PPP2R2C: variants seen among roughly 807,000 people sequenced by gnomAD.
PPP2R2C encodes the protein protein phosphatase 2 regulatory subunit Bgamma, also known as protein phosphatase 2, regulatory subunit B, gamma.
Under a neutral mutation model 45.3 loss-of-function variants are expected in PPP2R2C, and 10 were observed. That is an observed-to-expected ratio of 0.22 (90% CI 0.14 to 0.37). The LOEUF is 0.37. Ranked by LOEUF, PPP2R2C falls within the 10% of genes least tolerant of loss-of-function variation. The pLI is 1.00. For missense variants in PPP2R2C, 308 were observed against 619.7 expected (o/e 0.50, Z 5.34); for synonymous variants, 257 against 245.4 (o/e 1.05, Z -0.44).
intron 1 of PPP2R2C, among the ~76,000 whole-genome samples, chr4:6,546,653 T>C (rs1280780116): frequency 6.6e-6 from 1 of 152,198 alleles, no homozygotes; most frequent in Non-Finnish European, 1.5e-5. Flanking sequence ...ATTGGGAATA[T>C]AAAACAGTAT....
intron 2 of PPP2R2C, among the ~76,000 whole-genome samples, chr4:6,379,755 C>T (rs1210985815): frequency 6.6e-6 from 1 of 152,214 alleles, no homozygotes; most frequent in East Asian, 1.9e-4. Flanking sequence ...TATTTTAACC[C>T]TCTGCACTCT....
intron 1 of PPP2R2C, among the ~76,000 whole-genome samples, chr4:6,385,496 G>A (rs1300679690): frequency 6.6e-6 from 1 of 152,046 alleles, no homozygotes; most frequent in African/African-American, 2.4e-5. Flanking sequence ...ACCTCCTCCA[G>A]GAAGCCTTCC....
chr4:6,525,977 C>T (rs112471309), intron 2 of PPP2R2C, among the ~76,000 whole-genome samples: 1,551 of 152,334 alleles, frequency 0.01, 24 homozygotes, highest in African/African-American at 0.035. Context: ...GCTGGGATTA[C>T]AGCACGTGAG....
intron 2 of PPP2R2C, among the ~76,000 whole-genome samples, chr4:6,492,930 C>T (rs1722741334): frequency 6.6e-6 from 1 of 152,136 alleles, no homozygotes; most frequent in African/African-American, 2.4e-5. Context: ...TGATGTCCTC[C>T]CAGTGGCCTG....
intron 4 of PPP2R2C, among the ~76,000 whole-genome samples, chr4:6,373,847 ATGAGTGTGCATG>A (rs953596190): frequency 9.9e-5 from 15 of 152,024 alleles, no homozygotes; most frequent in East Asian, 5.8e-4. Context: ...GTGTGTGCAT[ATGAGTGTGCATG>A]TGAGTGTGCA....
chr4:6,544,181 T>C (rs145830794), intron 1 of PPP2R2C, among the ~76,000 whole-genome samples: 156 of 152,350 alleles, frequency 1.0e-3, no homozygotes, highest in Middle Eastern at 3.4e-3. Flanking sequence ...CTGGTTCCTG[T>C]TGGCCTCACC....
chr4:6,492,414 G>A (rs1416696473), intron 2 of PPP2R2C, among the ~76,000 whole-genome samples: 2 of 152,220 alleles, frequency 1.3e-5, no homozygotes, highest in Non-Finnish European at 2.9e-5. Flanking sequence ...TGGGGTAGGG[G>A]ATGCTATAAG....
chr4:6,527,850 A>G lies in PPP2R2C; in HGVS notation c.49+7421T>C, dbSNP rs116281124. On this transcript the variant is annotated intron_variant, in intron 2 of 9. Coordinates refer to the PPP2R2C transcript ENST00000506140. ...AGAAGTGACCTGGCTGCCACCCTGGACAGAAGGCAGGGCCTGGGGCCCCAG... is the reference window on the plus strand; with the variant it reads ...AGAAGTGACCTGGCTGCCACCCTGGGCAGAAGGCAGGGCCTGGGGCCCCAG... Among the ~76,000 whole-genome samples the G allele has an allele frequency of 6.9e-3, 1,048 of 152,068 alleles. 15 individuals are homozygous for G. The highest frequency in any genetic ancestry group is 0.024 in the African/African-American group (1,003 of 41,490).
chr4:6,417,551 T>C (rs1718673389), intron 1 of PPP2R2C, among the ~76,000 whole-genome samples: 1 of 152,348 alleles, frequency 6.6e-6, no homozygotes, highest in South Asian at 2.1e-4. Context: ...CGGGGCATGT[T>C]TCCATGCCCA....
At chr4:6,391,656 C>T (rs1361084618) in intron 1 of PPP2R2C, among the ~76,000 whole-genome samples, 1 of 152,254 alleles carries the variant, frequency 6.6e-6, no homozygotes, top group Non-Finnish European at 1.5e-5. Flanking sequence ...AGTGTGGTCC[C>T]AAGACGTGCC....
chr4:6,348,966 G>T (rs13105375), intron 5 of PPP2R2C: 53 of 965,548 alleles, frequency 5.5e-5, no homozygotes, highest in South Asian at 2.9e-4. Context: ...AACTCGTCCG[G>T]GGTGGCCCAG....
At chr4:6,445,914 T>C (rs960127496) in intron 1 of PPP2R2C, among the ~76,000 whole-genome samples, 1 of 152,198 alleles carries the variant, frequency 6.6e-6, no homozygotes, top group African/African-American at 2.4e-5. Flanking sequence ...CTATCTCACA[T>C]GGCCACATGG....
chr4:6,382,971 A>T (rs1489054614), intron 1 of PPP2R2C: 10 of 1,073,236 alleles, frequency 9.3e-6, no homozygotes, highest in Non-Finnish European at 4.5e-6. Context: ...GCCGAGGCCC[A>T]GGTGGGCCGC....
intron 2 of PPP2R2C, among the ~76,000 whole-genome samples, chr4:6,517,632 A>G (rs1001117305): frequency 6.6e-6 from 1 of 152,122 alleles, no homozygotes; most frequent in Non-Finnish European, 1.5e-5. Context: ...GACAGAAGAA[A>G]TTACCCTGCG....
chr4:6,526,174 T>C (rs180797205), intron 2 of PPP2R2C, among the ~76,000 whole-genome samples: 1 of 152,264 alleles, frequency 6.6e-6, no homozygotes, highest in Non-Finnish European at 1.5e-5. Flanking sequence ...GCATGTAACA[T>C]ACATGTTAGC....
chr4:6,354,876 CGGA>C (rs1560473359), intron 5 of PPP2R2C, among the ~76,000 whole-genome samples: 2 of 152,102 alleles, frequency 1.3e-5, no homozygotes, highest in Admixed American at 1.3e-4. Flanking sequence ...GTTGTGCGCA[CGGA>C]GGAGGTGTCC....
intron 6 of PPP2R2C, among the ~76,000 whole-genome samples, chr4:6,337,604 G>A (rs1208179549): frequency 6.6e-6 from 1 of 152,146 alleles, no homozygotes; most frequent in Admixed American, 6.5e-5. Flanking sequence ...CTTGAGGGCT[G>A]GTCTAGGTTC....
At chr4:6,552,371 G>A (rs1172680433) in intron 1 of PPP2R2C, among the ~76,000 whole-genome samples, 1 of 152,180 alleles carries the variant, frequency 6.6e-6, no homozygotes, top group East Asian at 1.9e-4. Context: ...GGAGGCCCCA[G>A]GGGAGGATCC....
chr4:6,444,464 G>A (rs1720314669), intron 1 of PPP2R2C, among the ~76,000 whole-genome samples: 1 of 152,172 alleles, frequency 6.6e-6, no homozygotes, highest in Admixed American at 6.5e-5. Context: ...GGATATTAAG[G>A]GAGGAATGAG....
Sources: allele counts gnomAD v4.1 joint callset (sites outside exome capture counted in the v4.1 genomes callset), GRCh38; gene constraint gnomAD v4.1.1; transcripts MANE v1.5; gene names NCBI Gene and HGNC (gene_info 2026-07-23, HGNC 2026-07-21).